Variants in DLG1 observed in about 807,000 individuals in gnomAD.
DLG1 encodes disks large homolog 1.
A neutral mutation model predicts 123.4 loss-of-function variants in DLG1; 42 were observed. The observed-to-expected ratio is 0.34, with a 90% CI of 0.27 to 0.44. DLG1 has a LOEUF of 0.44. Ranked by LOEUF, DLG1 falls within the 20% of genes least tolerant of loss-of-function variation. DLG1 has a pLI of 1.00. For synonymous variants in DLG1, 317 were observed against 356.2 expected, an observed-to-expected ratio of 0.89 and a Z score of 1.24; for missense variants, 942 against 1,082.6, an observed-to-expected ratio of 0.87 and a Z score of 1.82.
In DLG1 at chr3:197,265,937, C is replaced by G. The variant is rs190417337; in HGVS notation, c.318+16742G>C. Reference sequence around the variant, plus strand: ...TGGTGGCACATGCCTGTAATCCCAGCTACTCAGGAGGCTGAGGTAGGAGAA... The same window carrying G: ...TGGTGGCACATGCCTGTAATCCCAGGTACTCAGGAGGCTGAGGTAGGAGAA... On this transcript the variant is annotated intron_variant, in intron 4 of 24. Transcript: ENST00000667157. 2.4e-4 allele frequency among the ~76,000 whole-genome samples: 36 copies of G among 152,280 alleles called. No individual in the cohort carries two copies. In the East Asian group the frequency reaches 6.6e-3, roughly 28 times the overall value.
At chr3:197,051,773 G>A in intron 23 of DLG1, 105 bp from the exon 24 acceptor site, 1 of 725,426 alleles carries the variant, frequency 1.4e-6, no homozygotes, top group Non-Finnish European at 2.2e-6. Flanking sequence ...ATGAAAAGTT[G>A]AACTCTGCTG....
chr3:197,174,130 T>C (rs1197955453), intron 5 of DLG1, among the ~76,000 whole-genome samples: 1 of 152,154 alleles, frequency 6.6e-6, no homozygotes, highest in Non-Finnish European at 1.5e-5. Flanking sequence ...GCAGGCTACA[T>C]TTGGCCTACA....
intron 18 of DLG1, among the ~76,000 whole-genome samples, chr3:197,075,537 A>G (rs1041368030): frequency 1.3e-5 from 2 of 152,034 alleles, no homozygotes; most frequent in Non-Finnish European, 2.9e-5. Context: ...AAAAAATCTT[A>G]AAAGTTTTTA....
chr3:197,045,107 A>G (rs899138306), intron 24 of DLG1, among the ~76,000 whole-genome samples: 3 of 144,586 alleles, frequency 2.1e-5, no homozygotes, highest in Non-Finnish European at 3.1e-5. Flanking sequence ...TGTAAGGATA[A>G]TTTTTTTTTT....
At chr3:197,275,889 C>T (rs769038416) in intron 4 of DLG1, among the ~76,000 whole-genome samples, 1 of 152,104 alleles carries the variant, frequency 6.6e-6, no homozygotes, top group African/African-American at 2.4e-5. Flanking sequence ...GGAATATTCT[C>T]AACACAAAGA....
chr3:197,298,222 C>A, intron 1 of DLG1: 1 of 322,334 alleles, frequency 3.1e-6, no homozygotes, highest in Non-Finnish European at 5.6e-6. Flanking sequence ...CCCCGGGCTC[C>A]CCGCGCTGCT....
At chr3:197,294,248 A>G (rs1386712823) in intron 3 of DLG1, among the ~76,000 whole-genome samples, 2 of 152,238 alleles carry the variant, frequency 1.3e-5, no homozygotes, top group Non-Finnish European at 2.9e-5. Context: ...AATGTGATAT[A>G]GTACCACATC....
chr3:197,058,061 C>G (rs1356474984), intron 23 of DLG1, among the ~76,000 whole-genome samples: 2 of 151,946 alleles, frequency 1.3e-5, no homozygotes, highest in Admixed American at 6.6e-5. Context: ...TCACTGCAAC[C>G]TCTGCTCCCT....
intron 17 of DLG1, 23 bp from the exon 18 acceptor site, chr3:197,076,708 A>G: frequency 6.4e-7 from 1 of 1,573,048 alleles, no homozygotes; most frequent in Non-Finnish European, 8.7e-7. Context: ...AGGAGGGGCA[A>G]AACAAAGGGA....
upstream of DLG1, chr3:197,298,918 T>G (rs1778669696): frequency 4.3e-6 from 1 of 231,688 alleles, no homozygotes; most frequent in African/African-American, 2.2e-5. Context: ...TACTTAAGGG[T>G]GGGCAGAGAA....
chr3:197,088,939 C>G (rs9847229), intron 15 of DLG1, among the ~76,000 whole-genome samples: 18,662 of 152,182 alleles, frequency 0.12, 1,254 homozygotes, highest in Middle Eastern at 0.16. Context: ...GTTTTATTAA[C>G]AGAGATAGGC....
At chr3:197,131,097 A>T (rs936016181) in intron 10 of DLG1, among the ~76,000 whole-genome samples, 6 of 152,226 alleles carry the variant, frequency 3.9e-5, no homozygotes. Context: ...ACATTGTAAC[A>T]AAACAGCTGC....
chr3:197,110,486 G>A (rs932584543), intron 13 of DLG1, among the ~76,000 whole-genome samples: 3 of 152,102 alleles, frequency 2.0e-5, no homozygotes, highest in Non-Finnish European at 4.4e-5. Context: ...TGTTTAGCAT[G>A]TTCAATGTCT....
At chr3:197,280,823 G>A (rs1466499494) in intron 4 of DLG1, among the ~76,000 whole-genome samples, 1 of 152,136 alleles carries the variant, frequency 6.6e-6, no homozygotes, top group African/African-American at 2.4e-5. Flanking sequence ...TGAAATAACT[G>A]TCTTAGTCCC....
At chr3:197,240,550 CTAA>C (rs1427234755) in intron 4 of DLG1, among the ~76,000 whole-genome samples, 2 of 152,098 alleles carry the variant, frequency 1.3e-5, no homozygotes, top group Non-Finnish European at 2.9e-5. Context: ...ATAACTGACA[CTAA>C]TGAGATAGTG....
intron 23 of DLG1, among the ~76,000 whole-genome samples, chr3:197,059,439 T>C (rs1340313400): frequency 6.6e-6 from 1 of 152,202 alleles, no homozygotes; most frequent in African/African-American, 2.4e-5. Context: ...TTTAGTCTAG[T>C]AGTCTATTAT....
Position 197,043,007 on chromosome 3 carries a change from C to G in DLG1, c.*1616G>C, listed in dbSNP as rs1375060134. On this transcript the variant is annotated 3_prime_UTR_variant, in exon 25 of 25. Coordinates refer to ENST00000667157, the MANE Select transcript of DLG1 (RefSeq NM_001366207.1). ...ATAATGTTGATAATTCTTTACAAACCAGTACTCATTTAAGAAACTAATGAG... is the reference window on the plus strand; with the variant it reads ...ATAATGTTGATAATTCTTTACAAACGAGTACTCATTTAAGAAACTAATGAG... The G allele has an allele frequency of 6.6e-6, 1 of 152,130 alleles. No individual in the cohort carries two copies. Among genetic ancestry groups the G allele is most frequent in the Non-Finnish European group, 1.5e-5 (1 of 68,026 alleles). The allele number at this position is 152,130 out of a possible 1,614,324, so 9.4% of individuals were successfully genotyped here.
chr3:197,155,718 C>T (rs1223840713), intron 5 of DLG1, among the ~76,000 whole-genome samples: 1 of 151,968 alleles, frequency 6.6e-6, no homozygotes, highest in African/African-American at 2.4e-5. Flanking sequence ...ATGGCTTGAG[C>T]CCAGGAGTTC....
chr3:197,106,577 C>G (rs1766544505), intron 13 of DLG1, among the ~76,000 whole-genome samples: 1 of 152,086 alleles, frequency 6.6e-6, no homozygotes, highest in Admixed American at 6.5e-5. Flanking sequence ...CCTCCCAATT[C>G]CTGGGAGAAC....
Sources: allele counts gnomAD v4.1 joint callset (sites outside exome capture counted in the v4.1 genomes callset), GRCh38; gene constraint gnomAD v4.1.1; transcripts MANE v1.5; gene names NCBI Gene and HGNC (gene_info 2026-07-23, HGNC 2026-07-21).